Variants in APBB1IP observed in about 807,000 individuals in gnomAD.
APBB1IP encodes the protein amyloid beta A4 precursor protein-binding family B member 1-interacting protein.
Under a neutral mutation model 64.9 loss-of-function variants are expected in APBB1IP, and 27 were observed. The ratio of observed to expected loss-of-function variants is 0.42; its 90% CI spans 0.31 to 0.57. The LOEUF is 0.57. APBB1IP is among the 20% of genes least tolerant of loss of function. The pLI is 0.20. For synonymous variants in APBB1IP, 392 were observed against 331.0 expected (o/e 1.18, Z -2.00); for missense variants, 812 against 845.5 (o/e 0.96, Z 0.49).
rs1255223705 is a variant in APBB1IP at position 26,567,329 on chromosome 10, C to T, written c.1842C>T (p.Pro614=). The T allele has an allele frequency of 7.6e-7, 1 of 1,323,606 alleles. No individual in the cohort carries two copies. The highest frequency in any genetic ancestry group is 1.6e-5 in the African/African-American group (1 of 62,250). The allele number at this position is 1,323,606 out of a possible 1,614,324, so 82.0% of individuals were successfully genotyped here. ...CCGCGCCCGCGCCCGCCCCCGTCCC[C>T]GACTCCGCCAGGCCGCCCCCCGCGG... The part of the protein sequence containing the change: ...PPPAPAPAPV[P]DSARPPPAVA... Residue 614 remains proline, a synonymous_variant, in exon 15 of 15, where the codon CCC becomes CCT. Coordinates refer to ENST00000376236, the MANE Select transcript of APBB1IP (RefSeq NM_019043.4).
intron 10 of APBB1IP, among the ~76,000 whole-genome samples, chr10:26,537,108 T>C (rs1417102990): frequency 2.6e-5 from 4 of 152,126 alleles, no homozygotes; most frequent in African/African-American, 9.7e-5. Context: ...TAATTTTAAC[T>C]CTTATTCTGA....
At chr10:26,469,861 C>A (rs1406660918) in intron 2 of APBB1IP, among the ~76,000 whole-genome samples, 1 of 152,152 alleles carries the variant, frequency 6.6e-6, no homozygotes, top group Non-Finnish European at 1.5e-5. Context: ...TGAGAACATG[C>A]AGTATTTGAT....
intron 5 of APBB1IP, chr10:26,501,336 T>C: frequency 1.7e-6 from 1 of 583,212 alleles, no homozygotes; most frequent in Non-Finnish European, 2.9e-6. Flanking sequence ...TTTACTGTAG[T>C]TTGCTTAAAA....
rs1219544445 is a variant in APBB1IP at position 26,551,443 on chromosome 10, C to T, written c.1156-8662C>T. Among the ~76,000 whole-genome samples the T allele has an allele frequency of 4.6e-5, 7 of 152,172 alleles. No homozygotes were observed. The East Asian group carries it at 5.8e-4, about 13-fold the overall frequency. On this transcript the variant is annotated intron_variant, in intron 11 of 14. Transcript: ENST00000376236. The stretch of plus-strand genomic sequence containing the variant: ...GGTTTCACTCATTTTTGCAGTCCAG[C>T]GGGGCTTCCCAGTCTCACTCACGGT...
chr10:26,506,010 G>T (rs1297539910), intron 6 of APBB1IP, among the ~76,000 whole-genome samples: 1 of 152,114 alleles, frequency 6.6e-6, no homozygotes, highest in Non-Finnish European at 1.5e-5. Flanking sequence ...CTAGCTGCCT[G>T]GTCTCCTGGC....
rs1313250500 is a variant in APBB1IP at position 26,567,525 on chromosome 10, C to A, written c.*37C>A. 3 of 1,524,068 alleles carry A rather than the reference C, an allele frequency of 2.0e-6. No homozygotes were observed. The highest frequency in any genetic ancestry group is 2.7e-6 in the Non-Finnish European group (3 of 1,121,132). 94.4% of individuals were successfully genotyped at this position (1,524,068 alleles called of 1,614,324 possible). A position where few individuals can be genotyped will look rare whatever the true frequency, so the allele number is the denominator to read the frequency against. On this transcript the variant is annotated 3_prime_UTR_variant, in exon 15 of 15. Coordinates refer to ENST00000376236, the MANE Select transcript of APBB1IP (RefSeq NM_019043.4). Reference sequence around the variant, plus strand: ...ATGAGTGTTCCAGAGGGAGAAGCATCGCTGACCCCGAGCGCAGGTTTTGCT... The same window carrying A: ...ATGAGTGTTCCAGAGGGAGAAGCATAGCTGACCCCGAGCGCAGGTTTTGCT...
intron 6 of APBB1IP, among the ~76,000 whole-genome samples, chr10:26,506,252 G>T (rs10400144): frequency 0.029 from 1,212 of 42,284 alleles, 20 homozygotes; most frequent in African/African-American, 0.068. Context: ...TGTGTGTGTG[G>T]GGGGGGGGGG....
rs146879408 is a variant in APBB1IP at position 26,442,185 on chromosome 10, G to A, written c.-1+3332G>A. On this transcript the variant is annotated intron_variant, in intron 2 of 14. Coordinates refer to ENST00000376236, the MANE Select transcript of APBB1IP (RefSeq NM_019043.4). Reference sequence around the variant, plus strand: ...AGGGTCCCTGGTCTCCCCAACCAGGGTCACGGGAGAAGGTTGAATAGAAGG... The same window carrying A: ...AGGGTCCCTGGTCTCCCCAACCAGGATCACGGGAGAAGGTTGAATAGAAGG... Among the ~76,000 whole-genome samples, 554 of 152,280 alleles carry A rather than the reference G, an allele frequency of 3.6e-3. 1 individual carries two copies. The highest frequency in any genetic ancestry group is 0.013 in the African/African-American group (530 of 41,552).
intron 3 of APBB1IP, among the ~76,000 whole-genome samples, chr10:26,492,709 G>A (rs945181048): frequency 1.3e-5 from 2 of 152,286 alleles, no homozygotes; most frequent in Middle Eastern, 3.4e-3. Context: ...ATGAGGGAGT[G>A]TATGAATAGG....
At chr10:26,545,536 G>T (rs1262879784) in intron 11 of APBB1IP, among the ~76,000 whole-genome samples, 1 of 152,024 alleles carries the variant, frequency 6.6e-6, no homozygotes, top group African/African-American at 2.4e-5. Flanking sequence ...CGAGGCGGGC[G>T]GATCACGAGG....
chr10:26,536,039 G>T (rs201760197), intron 9 of APBB1IP, 35 bp from the exon 10 acceptor site: 3 of 1,538,796 alleles, frequency 1.9e-6, no homozygotes, highest in African/African-American at 2.8e-5. Flanking sequence ...TTTATCTTTC[G>T]TGTGTGTCTT....
At chr10:26,561,505 A>C (rs1281121247) in intron 13 of APBB1IP, among the ~76,000 whole-genome samples, 1 of 148,446 alleles carries the variant, frequency 6.7e-6, no homozygotes, top group Non-Finnish European at 1.5e-5. Flanking sequence ...TATTCTGTGG[A>C]TGAGGTGTTG....
At chr10:26,471,765 A>G (rs1589196353) in intron 2 of APBB1IP, among the ~76,000 whole-genome samples, 2 of 151,988 alleles carry the variant, frequency 1.3e-5, no homozygotes, top group South Asian at 4.2e-4. Flanking sequence ...GCTCACTGCA[A>G]CCTCCGCCTC....
intron 14 of APBB1IP, 59 bp downstream of exon 14, chr10:26,562,488 C>T: frequency 1.4e-6 from 2 of 1,400,000 alleles, no homozygotes; most frequent in South Asian, 1.2e-5. Context: ...CACATTATTC[C>T]AGTAACTGCT....
chr10:26,467,283 C>A (rs1835660597), intron 2 of APBB1IP, among the ~76,000 whole-genome samples: 1 of 152,012 alleles, frequency 6.6e-6, no homozygotes, highest in Admixed American at 6.6e-5. Flanking sequence ...GAAGCAAAAG[C>A]AAGTTTTGCC....
chr10:26,543,694 A>C (rs968665619), intron 11 of APBB1IP, among the ~76,000 whole-genome samples: 2 of 152,152 alleles, frequency 1.3e-5, no homozygotes, highest in Admixed American at 6.5e-5. Context: ...TGTGATGTCA[A>C]GTAGTAACAA....
At chr10:26,486,158 A>T (rs1332949961) in intron 2 of APBB1IP, among the ~76,000 whole-genome samples, 4 of 152,214 alleles carry the variant, frequency 2.6e-5, no homozygotes, top group Admixed American at 2.6e-4. Flanking sequence ...TTTGAAAGAC[A>T]CGCTGAGTGC....
chr10:26,530,177 A>C (rs787055), intron 8 of APBB1IP, among the ~76,000 whole-genome samples: 134,144 of 151,480 alleles, frequency 0.89, 59,617 homozygotes, highest in Admixed American at 0.93. Context: ...GTACATTCAC[A>C]TTGCTGTGCT....
intron 11 of APBB1IP, among the ~76,000 whole-genome samples, chr10:26,554,021 T>G (rs1236607406): frequency 6.6e-6 from 1 of 152,186 alleles, no homozygotes; most frequent in Non-Finnish European, 1.5e-5. Flanking sequence ...CTCCAACCAT[T>G]GTCTGTGTTG....
Sources: allele counts gnomAD v4.1 joint callset (sites outside exome capture counted in the v4.1 genomes callset), GRCh38; gene constraint gnomAD v4.1.1; transcripts MANE v1.5; gene names NCBI Gene and HGNC (gene_info 2026-07-23, HGNC 2026-07-21).